METTL9: variants seen among roughly 807,000 people sequenced by gnomAD.
The protein encoded by METTL9 is methyltransferase 9, His-X-His N1(pi)-histidine, also known as protein-L-histidine N-pros-methyltransferase.
Under a neutral mutation model 36.0 loss-of-function variants are expected in METTL9, and 10 were observed. That is an observed-to-expected ratio of 0.28 (90% CI 0.17 to 0.47). The LOEUF (loss-of-function observed/expected upper bound fraction) is 0.47. METTL9 is among the 20% of genes least tolerant of loss of function. METTL9 has a pLI of 0.99. For synonymous variants in METTL9, 175 were observed against 149.7 expected, an observed-to-expected ratio of 1.17 and a Z score of -1.23; for missense variants, 246 against 383.5, an observed-to-expected ratio of 0.64 and a Z score of 3.00.
At chr16:21,604,717 T>C (rs1468570165) in intron 1 of METTL9, among the ~76,000 whole-genome samples, 1 of 152,200 alleles carries the variant, frequency 6.6e-6, no homozygotes, top group Non-Finnish European at 1.5e-5. Context: ...AGAATGTGAA[T>C]TTTGAATCCT....
chr16:21,634,809 G>A (rs1004193257), intron 4 of METTL9, among the ~76,000 whole-genome samples: 4 of 152,160 alleles, frequency 2.6e-5, no homozygotes, highest in African/African-American at 9.7e-5. Context: ...AAGGAAGGCA[G>A]AAGGATTTTC....
In METTL9 at chr16:21,632,855, G is replaced by C. The variant is rs375874623; in HGVS notation, c.751+7740G>C. Among the ~76,000 whole-genome samples, 29 of 152,274 alleles carry C rather than the reference G, an allele frequency of 1.9e-4. No individual in the cohort carries two copies. In the East Asian group the frequency reaches 3.5e-3, roughly 18 times the overall value. Reference sequence around the variant, plus strand: ...CACTGGTTGTGGGGTCATCCCACAAGTCTGAGTAAGGACTCCAAGAGCTAT... The same window carrying C: ...CACTGGTTGTGGGGTCATCCCACAACTCTGAGTAAGGACTCCAAGAGCTAT... On this transcript the variant is annotated intron_variant, in intron 4 of 4. Transcript: ENST00000358154.
chr16:21,636,582 G>A (rs1239242687), intron 4 of METTL9, among the ~76,000 whole-genome samples: 1 of 152,192 alleles, frequency 6.6e-6, no homozygotes, highest in African/African-American at 2.4e-5. Context: ...TTCTGCTCAT[G>A]GCCGCAGGGT....
intron 4 of METTL9, chr16:21,644,351 A>G: frequency 1.2e-6 from 2 of 1,614,086 alleles, no homozygotes; most frequent in South Asian, 2.2e-5. Context: ...CAGTGATACA[A>G]GAGCTGTCAG....
At chr16:21,603,651 C>T (rs1228774505) in intron 1 of METTL9, among the ~76,000 whole-genome samples, 1 of 152,146 alleles carries the variant, frequency 6.6e-6, no homozygotes, top group African/African-American at 2.4e-5. Flanking sequence ...TATGGAGCTA[C>T]TGAAACTTTG....
intron 4 of METTL9, among the ~76,000 whole-genome samples, chr16:21,630,656 AGCGGGTTGGT>A (rs1965935524): frequency 2.0e-5 from 3 of 152,208 alleles, no homozygotes; most frequent in African/African-American, 7.2e-5. Flanking sequence ...TGGAAGGGCC[AGCGGGTTGGT>A]CCAGGGGTCC....
intron 4 of METTL9, among the ~76,000 whole-genome samples, chr16:21,638,050 G>T (rs1160846124): frequency 6.6e-6 from 1 of 152,222 alleles, no homozygotes; most frequent in Non-Finnish European, 1.5e-5. Flanking sequence ...GGGTGCGGTG[G>T]CTTATGCCTG....
chr16:21,638,493 A>G (rs969818395), intron 4 of METTL9, among the ~76,000 whole-genome samples: 1 of 152,170 alleles, frequency 6.6e-6, no homozygotes, highest in East Asian at 1.9e-4. Flanking sequence ...TTTTCTATAG[A>G]AACATTGTTC....
chr16:21,628,932 G>A (rs1248064633), intron 4 of METTL9, among the ~76,000 whole-genome samples: 1 of 145,624 alleles, frequency 6.9e-6, no homozygotes, highest in Non-Finnish European at 1.5e-5. Flanking sequence ...CTCTGTCACC[G>A]AGGATGGAAT....
rs541755336 is a variant in METTL9, at chr16:21,608,450, C to A, written c.166-4195C>A. Reference sequence around the variant, plus strand: ...TTATTTTCACTCTGGAATGTAAGTTCTCTGAGGCCAGCGAGTCCATCTTTT... The same window carrying A: ...TTATTTTCACTCTGGAATGTAAGTTATCTGAGGCCAGCGAGTCCATCTTTT... On this transcript the variant is annotated intron_variant, in intron 1 of 4. Coordinates refer to ENST00000358154, the MANE Select transcript of METTL9 (RefSeq NM_016025.5). Among the ~76,000 whole-genome samples, 6 of 152,250 alleles carry A rather than the reference C, an allele frequency of 3.9e-5. No individual in the cohort carries two copies. The South Asian group carries it at 1.2e-3, about 32-fold the overall frequency.
chr16:21,617,836 C>T, intron 2 of METTL9, 29 bp from the exon 3 acceptor site: 1 of 1,596,088 alleles, frequency 6.3e-7, no homozygotes, highest in Non-Finnish European at 8.6e-7. Context: ...TGCATAGACA[C>T]TTCCATTTTT....
At chr16:21,624,852 C>T in intron 3 of METTL9, 79 bp from the exon 4 acceptor site, 1 of 1,287,214 alleles carries the variant, frequency 7.8e-7, no homozygotes, top group Non-Finnish European at 1.1e-6. Flanking sequence ...AAGTTAAAGC[C>T]TTTATTGTCA....
In METTL9 at chr16:21,627,241, GA is replaced by G. The variant is rs542483554; in HGVS notation, c.751+2128del. ...AAATGGTTTTGCTGTGTAGATTCAT[GA>G]ATGCTGGACTGTTGGAGGATATCTG... On this transcript the variant is annotated intron_variant, in intron 4 of 4. Coordinates refer to ENST00000358154, the MANE Select transcript of METTL9 (RefSeq NM_016025.5). 1.2e-3 allele frequency: 1,164 copies of G among 985,364 alleles called. 1 individual carries two copies. The highest frequency in any genetic ancestry group is 1.8e-3 in the Admixed American group (30 of 16,276). The allele number at this position is 985,364 out of a possible 1,614,324, so 61.0% of individuals were successfully genotyped here. A position where few individuals can be genotyped will look rare whatever the true frequency, so the allele number is the denominator to read the frequency against.
chr16:21,630,411 G>A (rs766980183), intron 4 of METTL9, among the ~76,000 whole-genome samples: 6 of 152,358 alleles, frequency 3.9e-5, no homozygotes, highest in East Asian at 1.9e-4. Flanking sequence ...CAGTGCAGCC[G>A]TGGGCTGAAG....
chr16:21,647,075 A>G (rs772985937), intron 4 of METTL9: 6 of 1,611,592 alleles, frequency 3.7e-6, no homozygotes. Context: ...TGAGGTAATG[A>G]TTTTACAGGC....
chr16:21,646,832 T>G, intron 4 of METTL9: 2 of 375,210 alleles, frequency 5.3e-6, no homozygotes, highest in East Asian at 6.6e-5. Context: ...ATTTTTGTAT[T>G]TTGAGTAGAG....
At chr16:21,645,255 C>A (rs768900190) in intron 4 of METTL9, among the ~76,000 whole-genome samples, 1 of 152,142 alleles carries the variant, frequency 6.6e-6, no homozygotes, top group Admixed American at 6.5e-5. Context: ...GAGTTTGACA[C>A]CAGCCTGGCC....
upstream of METTL9, chr16:21,597,982 T>C (rs1351218499): frequency 6.6e-6 from 1 of 152,204 alleles, no homozygotes; most frequent in Non-Finnish European, 1.5e-5. Flanking sequence ...TGTTTGTTGT[T>C]ACAGCCTGTT....
chr16:21,597,287 AG>A, upstream of METTL9: 1 of 1,289,088 alleles, frequency 7.8e-7, no homozygotes, highest in South Asian at 1.2e-5. Flanking sequence ...TGGGATACCA[AG>A]TTCTATGAAA....
Sources: allele counts gnomAD v4.1 joint callset (sites outside exome capture counted in the v4.1 genomes callset), GRCh38; gene constraint gnomAD v4.1.1; transcripts MANE v1.5; gene names NCBI Gene and HGNC (gene_info 2026-07-23, HGNC 2026-07-21).